Variants in TXLNB observed in about 807,000 individuals in gnomAD.
The protein encoded by TXLNB is taxilin beta.
Under a neutral mutation model 57.4 loss-of-function variants are expected in TXLNB, and 37 were observed. The ratio of observed to expected loss-of-function variants is 0.64; its 90% CI spans 0.50 to 0.85. The LOEUF is 0.85. TXLNB is among the 40% of genes least tolerant of loss of function. The probability of loss-of-function intolerance (pLI) is 0.00; values close to 1 mark genes in which losing one functional copy is unlikely to be tolerated. For missense variants in TXLNB, 848 were observed against 825.6 expected, an observed-to-expected ratio of 1.03 and a Z score of -0.33; for synonymous variants, 302 against 309.6, an observed-to-expected ratio of 0.98 and a Z score of 0.26.
At chr6:139,209,000 G>A in the TXLNB span, among the ~76,000 whole-genome samples, 1 of 152,162 alleles carries the variant, frequency 6.6e-6, no homozygotes, top group Admixed American at 6.5e-5. Flanking sequence ...AAGTCAAAAT[G>A]TAGGTGTTTG....
rs1776102638 is a variant in TXLNB, at chr6:139,247,812, C to T, written c.1170+5G>A. 11 of 1,588,500 alleles carry T rather than the reference C, an allele frequency of 6.9e-6. No homozygotes were observed. The highest frequency in any genetic ancestry group is 9.4e-6 in the Non-Finnish European group (11 of 1,165,462). ...AATATTTTGTTGGTGATAAGCAATACTCACTTTGTCCATTTCCTGTTTGAA... is the reference window on the plus strand; with the variant it reads ...AATATTTTGTTGGTGATAAGCAATATTCACTTTGTCCATTTCCTGTTTGAA... On this transcript the variant is annotated splice_donor_5th_base_variant and intron_variant, in intron 8 of 9. Transcript: ENST00000358430.
At chr6:139,272,344 G>A (rs1776786318) in intron 3 of TXLNB, among the ~76,000 whole-genome samples, 1 of 151,972 alleles carries the variant, frequency 6.6e-6, no homozygotes, top group Non-Finnish European at 1.5e-5. Context: ...AAAAGCAGTT[G>A]TTCTTTCTGA....
the TXLNB span, chr6:139,174,507 T>A: frequency 6.2e-7 from 1 of 1,614,088 alleles, no homozygotes; most frequent in Admixed American, 1.7e-5. Context: ...TATGTACACC[T>A]ACGACATCCT....
intron 2 of TXLNB, among the ~76,000 whole-genome samples, chr6:139,278,673 C>T (rs764774060): frequency 3.9e-5 from 6 of 152,174 alleles, no homozygotes; most frequent in Non-Finnish European, 8.8e-5. Context: ...CAGTGTTTGG[C>T]CCATGGCAAG....
At chr6:139,181,848 C>A in the TXLNB span, among the ~76,000 whole-genome samples, 1 of 152,216 alleles carries the variant, frequency 6.6e-6, no homozygotes, top group African/African-American at 2.4e-5. Context: ...TGTGTGCAGA[C>A]TTCTAACCAT....
chr6:139,262,612 T>C lies in TXLNB; in HGVS notation c.849A>G (p.Lys283=). 3.1e-6 allele frequency: 5 copies of C among 1,614,154 alleles called. No homozygotes were observed. Among genetic ancestry groups the C allele is most frequent in the Non-Finnish European group, 4.2e-6 (5 of 1,180,014 alleles). Residue 283 remains lysine, a synonymous_variant, in exon 5 of 10, where the codon AAA becomes AAG. Coordinates refer to ENST00000358430, the MANE Select transcript of TXLNB (RefSeq NM_153235.4). ...QENTELAEKL[K]SIIDQYELRE... ...TGAGCTCATACTGATCGATGATGCT[T>C]TTCAGCTTTTCTGCAAGCTCTGTGT... is the stretch of plus-strand genomic sequence containing the variant.
At chr6:139,223,130 T>A in the TXLNB span, among the ~76,000 whole-genome samples, 1 of 152,222 alleles carries the variant, frequency 6.6e-6, no homozygotes, top group Non-Finnish European at 1.5e-5. Context: ...AGTCCATGAC[T>A]GTAACACAAT....
At chr6:139,201,457 T>C in the TXLNB span, among the ~76,000 whole-genome samples, 2 of 152,222 alleles carry the variant, frequency 1.3e-5, no homozygotes, top group African/African-American at 4.8e-5. Flanking sequence ...TAACCTGATG[T>C]TAACCAATCC....
the TXLNB span, among the ~76,000 whole-genome samples, chr6:139,217,343 C>G: frequency 6.6e-6 from 1 of 152,096 alleles, no homozygotes; most frequent in African/African-American, 2.4e-5. Flanking sequence ...AACATGTTTG[C>G]AAAGCCACTT....
At chr6:139,289,674 G>T (rs1430912486) in intron 1 of TXLNB, among the ~76,000 whole-genome samples, 3 of 152,012 alleles carry the variant, frequency 2.0e-5, no homozygotes, top group African/African-American at 7.2e-5. Context: ...TTTCTTTGTG[G>T]CCATATTTGT....
chr6:139,194,236 T>C, the TXLNB span, among the ~76,000 whole-genome samples: 1 of 152,174 alleles, frequency 6.6e-6, no homozygotes, highest in East Asian at 1.9e-4. Context: ...CCACCGCACC[T>C]AGCCCATCTT....
At chr6:139,166,277 C>T in the TXLNB span, 6 of 1,581,012 alleles carry the variant, frequency 3.8e-6, no homozygotes, top group Admixed American at 3.6e-5. Context: ...CTTTATTCCT[C>T]CCCCAGAAGC....
the TXLNB span, among the ~76,000 whole-genome samples, chr6:139,194,223 G>A: frequency 1.3e-3 from 196 of 152,302 alleles, no homozygotes; most frequent in African/African-American, 4.5e-3. Context: ...TTACAGGCGT[G>A]AGCCACCGCA....
chr6:139,281,455 T>G (rs1171520009), intron 2 of TXLNB, among the ~76,000 whole-genome samples: 1 of 151,116 alleles, frequency 6.6e-6, no homozygotes, highest in Non-Finnish European at 1.5e-5. Context: ...GGCTGACATT[T>G]TCTATCTCTT....
the TXLNB span, among the ~76,000 whole-genome samples, chr6:139,185,430 A>G: frequency 6.6e-6 from 1 of 152,218 alleles, no homozygotes; most frequent in Admixed American, 6.5e-5. Context: ...GGCCGGGTGC[A>G]GTGACTCAGG....
At chr6:139,168,085 A>G in the TXLNB span, among the ~76,000 whole-genome samples, 2 of 152,202 alleles carry the variant, frequency 1.3e-5, no homozygotes, top group Non-Finnish European at 2.9e-5. Flanking sequence ...CCTTCCCACC[A>G]ACCCTGCTGT....
At chr6:139,184,167 GTGTCTGGACAT>G in the TXLNB span, among the ~76,000 whole-genome samples, 1 of 152,244 alleles carries the variant, frequency 6.6e-6, no homozygotes, top group Non-Finnish European at 1.5e-5. Flanking sequence ...GGAAGGAGAA[GTGTCTGGACAT>G]TGTACAGAGC....
chr6:139,268,196 A>G, intron 4 of TXLNB, among the ~76,000 whole-genome samples: 1 of 151,902 alleles, frequency 6.6e-6, no homozygotes, highest in Non-Finnish European at 1.5e-5. Flanking sequence ...CATTTCATAA[A>G]GGTAAAATCA....
At chr6:139,166,274 C>A in the TXLNB span, 1 of 1,579,022 alleles carries the variant, frequency 6.3e-7, no homozygotes, top group Non-Finnish European at 8.6e-7. Flanking sequence ...TCTCTTTATT[C>A]CTCCCCCAGA....
Sources: gnomAD v4.1 joint callset for allele counts (sites outside exome capture counted in the v4.1 genomes callset) on GRCh38, gnomAD v4.1.1 for gene constraint, MANE v1.5 for transcripts, NCBI Gene and HGNC (gene_info 2026-07-23, HGNC 2026-07-21) for gene names.